Variants in WDR35 observed in about 807,000 individuals in gnomAD.
The protein encoded by WDR35 is WD repeat-containing protein 35.
Under a neutral mutation model 158.3 loss-of-function variants are expected in WDR35, and 118 were observed. The observed-to-expected ratio is 0.75, with a 90% CI of 0.64 to 0.87. WDR35 has a LOEUF of 0.87. WDR35 is among the 40% of genes least tolerant of loss of function. The probability of loss-of-function intolerance (pLI) is 0.00; values close to 1 mark genes in which losing one functional copy is unlikely to be tolerated. For synonymous variants in WDR35, 448 were observed against 476.1 expected, an observed-to-expected ratio of 0.94 and a Z score of 0.77; for missense variants, 1,263 against 1,405.8, an observed-to-expected ratio of 0.90 and a Z score of 1.62.
At position 19,966,087 on chromosome 2, in the gene WDR35, G is replaced by A. The variant is rs1281326913; in HGVS notation, c.1194+637C>T. On this transcript the variant is annotated intron_variant, in intron 10 of 26. Coordinates refer to ENST00000281405, the MANE Select transcript of WDR35 (RefSeq NM_020779.4). The stretch of plus-strand genomic sequence containing the variant: ...TACGATTGTTTAGCAAGTTTCAGGA[G>A]AGAACACCAGCAAACATGGCTGTTC... 2.0e-5 allele frequency among the ~76,000 whole-genome samples: 3 copies of A among 152,116 alleles called. No individual in the cohort carries two copies. The East Asian group carries it at 5.8e-4, about 29-fold the overall frequency.
chr2:19,944,928 A>C (rs1356680332), intron 16 of WDR35, among the ~76,000 whole-genome samples: 1 of 152,190 alleles, frequency 6.6e-6, no homozygotes, highest in Non-Finnish European at 1.5e-5. Context: ...AAACAAATGG[A>C]AATTAATGAT....
intron 12 of WDR35, among the ~76,000 whole-genome samples, chr2:19,953,382 A>C (rs1403700342): frequency 6.6e-6 from 1 of 151,964 alleles, no homozygotes. Flanking sequence ...TCCCCAGTTC[A>C]CCCCACCTAA....
intron 17 of WDR35, among the ~76,000 whole-genome samples, chr2:19,940,866 A>G (rs1024475799): frequency 4.6e-5 from 7 of 152,114 alleles, no homozygotes; most frequent in Admixed American, 2.0e-4. Flanking sequence ...CTCTCCCCTA[A>G]AAGTTTCATT....
chr2:19,953,123 C>A (rs1438295620), intron 12 of WDR35, among the ~76,000 whole-genome samples: 1 of 152,176 alleles, frequency 6.6e-6, no homozygotes, highest in Non-Finnish European at 1.5e-5. Context: ...TTAAAACATT[C>A]AACAAAATGC....
At chr2:19,937,066 G>A (rs1241534996) in intron 19 of WDR35, among the ~76,000 whole-genome samples, 1 of 152,138 alleles carries the variant, frequency 6.6e-6, no homozygotes. Flanking sequence ...GGTTTTATAT[G>A]ACTTTTCAGA....
At chr2:19,948,320 C>A (rs1224921599) in intron 13 of WDR35, 103 bp from the exon 14 acceptor site, 1 of 1,068,496 alleles carries the variant, frequency 9.4e-7, no homozygotes, top group Non-Finnish European at 1.4e-6. Context: ...TATTTCTTAA[C>A]TTAACCAACA....
intron 11 of WDR35, among the ~76,000 whole-genome samples, chr2:19,954,525 T>C (rs1671360904): frequency 6.6e-6 from 1 of 152,098 alleles, no homozygotes; most frequent in African/African-American, 2.4e-5. Flanking sequence ...AAATAGACAT[T>C]TCTACAGTGA....
chr2:19,970,226 T>A (rs1295149903), intron 8 of WDR35, among the ~76,000 whole-genome samples: 4 of 152,212 alleles, frequency 2.6e-5, no homozygotes, highest in African/African-American at 7.2e-5. Flanking sequence ...CAACTTTGAT[T>A]ATAAGATGCC....
At chr2:19,936,461 A>G in intron 19 of WDR35, 96 bp from the exon 20 acceptor site, 1 of 1,536,618 alleles carries the variant, frequency 6.5e-7, no homozygotes, top group South Asian at 1.1e-5. Flanking sequence ...TGCTGAGGCT[A>G]CACAGCAGTG....
At chr2:19,969,075 G>A (rs1671947851) in intron 9 of WDR35, among the ~76,000 whole-genome samples, 1 of 152,192 alleles carries the variant, frequency 6.6e-6, no homozygotes, top group South Asian at 2.1e-4. Context: ...AGACCCTCTT[G>A]CACAGCCACA....
intron 10 of WDR35, among the ~76,000 whole-genome samples, chr2:19,964,264 T>C (rs1671762911): frequency 6.6e-6 from 1 of 152,178 alleles, no homozygotes; most frequent in African/African-American, 2.4e-5. Context: ...AGCTAGGCAC[T>C]TCCAATCCAG....
chr2:19,924,396 C>T (rs1281789934), intron 25 of WDR35, among the ~76,000 whole-genome samples: 1 of 152,026 alleles, frequency 6.6e-6, no homozygotes, highest in African/African-American at 2.4e-5. Context: ...AACCCCGTCT[C>T]TACTAAAAAT....
chr2:19,955,545 ATAAAAT>A (rs1303559177), intron 11 of WDR35, among the ~76,000 whole-genome samples: 19 of 152,220 alleles, frequency 1.2e-4, no homozygotes, highest in African/African-American at 4.1e-4. Flanking sequence ...AATAAACAAC[ATAAAAT>A]TAAACACTCA....
Position 19,966,708 on chromosome 2 carries a change from A to T in WDR35, c.1194+16T>A. ...AGTTAGCCCAGCTATGTCTTAAGATATCAAGAAACACCTACCTGAGGATGA... is the reference window on the plus strand; with the variant it reads ...AGTTAGCCCAGCTATGTCTTAAGATTTCAAGAAACACCTACCTGAGGATGA... On this transcript the variant is annotated intron_variant, in intron 10 of 26. Transcript: ENST00000281405. 1 of 1,613,024 alleles carries T rather than the reference A, an allele frequency of 6.2e-7. No homozygotes were observed. The highest frequency in any genetic ancestry group is 1.1e-5 in the South Asian group (1 of 90,944).
intron 10 of WDR35, among the ~76,000 whole-genome samples, chr2:19,965,788 A>T (rs989115527): frequency 3.3e-5 from 5 of 152,108 alleles, no homozygotes; most frequent in African/African-American, 1.2e-4. Context: ...TCTTAAAAAA[A>T]GTTTTCTCTT....
intron 10 of WDR35, among the ~76,000 whole-genome samples, chr2:19,961,499 A>G (rs1354859700): frequency 2.0e-5 from 3 of 152,224 alleles, no homozygotes; most frequent in Non-Finnish European, 4.4e-5. Flanking sequence ...ACAGGAGCAG[A>G]GCAGTAAATG....
At chr2:19,945,221 A>G (rs1671008322) in intron 16 of WDR35, among the ~76,000 whole-genome samples, 1 of 152,086 alleles carries the variant, frequency 6.6e-6, no homozygotes. Flanking sequence ...TAAAAATGAG[A>G]ACAAAGGGGA....
chr2:19,930,512 A>C lies in WDR35; in HGVS notation c.3005T>G (p.Leu1002Arg). 6.2e-7 allele frequency: 1 copy of C among 1,614,210 alleles called. No individual in the cohort carries two copies. The highest frequency in any genetic ancestry group is 8.5e-7 in the Non-Finnish European group (1 of 1,180,046). ...ATCTGTGAAACGATCTGTTGTAGAC[A>C]GAACTTCTTCTTCCAGCAAACCAGC... The part of the protein sequence containing the change: ...ALAGLLEEEV[L>R]STTDRFTDNA... The change falls in exon 25 of 27, where the codon CTG (leucine) becomes CGG (arginine). Residue 1002 changes from leucine to arginine, a missense_variant. By Grantham distance (102) the Leu-to-Arg change is moderately radical (BLOSUM62 -2). Transcript: ENST00000281405.
intron 13 of WDR35, among the ~76,000 whole-genome samples, chr2:19,949,452 G>A (rs1178680416): frequency 1.3e-5 from 2 of 152,166 alleles, no homozygotes; most frequent in African/African-American, 2.4e-5. Context: ...GTGGGGATGG[G>A]GAAAACTGAA....
Sources: allele counts gnomAD v4.1 joint callset (sites outside exome capture counted in the v4.1 genomes callset), GRCh38; gene constraint gnomAD v4.1.1; transcripts MANE v1.5; gene names NCBI Gene and HGNC (gene_info 2026-07-23, HGNC 2026-07-21).